GRAMD2B: variants seen among roughly 807,000 people sequenced by gnomAD.
GRAMD2B encodes the protein GRAM domain-containing protein 2B.
GRAMD2B carries 41 observed loss-of-function variants against 59.2 expected under a neutral mutation model. That is an observed-to-expected ratio of 0.69 (90% CI 0.54 to 0.90). The LOEUF (loss-of-function observed/expected upper bound fraction) is 0.90, where lower values mean the gene tolerates loss of function less well. Among genes scored for constraint, GRAMD2B ranks in the 40% least tolerant of loss-of-function variants. The probability of loss-of-function intolerance (pLI) is 0.00; values close to 1 mark genes in which losing one functional copy is unlikely to be tolerated. For missense variants in GRAMD2B, 424 were observed against 500.5 expected (o/e 0.85, Z 1.46); for synonymous variants, 161 against 182.7 (o/e 0.88, Z 0.96).
chr5:126,394,715 C>G (rs1757207393), intron 1 of GRAMD2B, among the ~76,000 whole-genome samples: 1 of 152,172 alleles, frequency 6.6e-6, no homozygotes, highest in South Asian at 2.1e-4. Flanking sequence ...AACTTAGATT[C>G]TGATGGTGTG....
intron 1 of GRAMD2B, among the ~76,000 whole-genome samples, chr5:126,374,544 TTTTAA>T (rs1263407448): frequency 2.0e-4 from 30 of 152,238 alleles, no homozygotes; most frequent in African/African-American, 7.0e-4. Flanking sequence ...TGAGTTCTTA[TTTTAA>T]TTTGTTAGTT....
intron 1 of GRAMD2B, among the ~76,000 whole-genome samples, chr5:126,442,572 G>A (rs541966393): frequency 3.9e-5 from 6 of 152,168 alleles, no homozygotes; most frequent in African/African-American, 7.2e-5. Flanking sequence ...GATTACAGGC[G>A]TGAGCGACCG....
intron 1 of GRAMD2B, among the ~76,000 whole-genome samples, chr5:126,408,840 TC>T (rs1758499836): frequency 1.4e-5 from 1 of 72,050 alleles, no homozygotes; most frequent in East Asian, 4.7e-4. Context: ...CCCTCCCCCC[TC>T]CCCCCACCCG....
In GRAMD2B at chr5:126,423,593, C is replaced by T. The variant is rs749254511; in HGVS notation, c.-14C>T. The T allele has an allele frequency of 7.5e-6, 12 of 1,609,964 alleles. No homozygotes were observed. In the South Asian group the frequency reaches 1.3e-4, roughly 18 times the overall value. The stretch of plus-strand genomic sequence containing the variant: ...CGCGCGGAAGTCTGAAGGTGCCCTC[C>T]AGACACGGCCCCGATGACTGAACTA... On this transcript the variant is annotated 5_prime_UTR_variant, in exon 1 of 14. Coordinates refer to ENST00000285689, the MANE Select transcript of GRAMD2B (RefSeq NM_023927.4).
At chr5:126,449,002 T>C (rs1222671202) in intron 1 of GRAMD2B, among the ~76,000 whole-genome samples, 1 of 152,116 alleles carries the variant, frequency 6.6e-6, no homozygotes, top group East Asian at 1.9e-4. Context: ...AAATATAAAG[T>C]CATCCGGGAA....
chr5:126,369,991 G>A (rs1754659283), upstream of GRAMD2B, among the ~76,000 whole-genome samples: 1 of 152,188 alleles, frequency 6.6e-6, no homozygotes, highest in Non-Finnish European at 1.5e-5. Context: ...TCAGCACAGA[G>A]ATAAGAGAGG....
rs199869481 is a variant in GRAMD2B, at chr5:126,481,203, AAAAGAAAGAAAGAAAG to A, written c.735+528_735+543del. Among the ~76,000 whole-genome samples the A allele has an allele frequency of 9.0e-3, 721 of 80,106 alleles. 16 individuals carry two copies. Among genetic ancestry groups the A allele is most frequent in the East Asian group, 0.024 (96 of 3,980 alleles). The allele number at this position is 80,106 out of a possible 152,430, so 52.6% of individuals were successfully genotyped here. A position where few individuals can be genotyped will look rare whatever the true frequency, so the allele number is the denominator to read the frequency against. Reference sequence around the variant, plus strand: ...TCAGAATTAACTGTAAAAAAAAAAAAAAAGAAAGAAAGAAAGAAAGAAAGAAAGAAAGAAAGAAAGA... The same window carrying A: ...TCAGAATTAACTGTAAAAAAAAAAAAAAAGAAAGAAAGAAAGAAAGAAAGA... On this transcript the variant is annotated intron_variant, in intron 8 of 13. Transcript: ENST00000285689.
intron 1 of GRAMD2B, among the ~76,000 whole-genome samples, chr5:126,414,359 T>C (rs1759080393): frequency 1.3e-5 from 2 of 152,132 alleles, no homozygotes; most frequent in Admixed American, 1.3e-4. Context: ...AAGATAACTC[T>C]TTAATTTGAT....
At chr5:126,456,523 C>T (rs540948113) in intron 1 of GRAMD2B, among the ~76,000 whole-genome samples, 174 of 152,264 alleles carry the variant, frequency 1.1e-3, no homozygotes, top group Non-Finnish European at 1.4e-3. Context: ...CCACTTCTAA[C>T]TGTACCCAGT....
upstream of GRAMD2B, among the ~76,000 whole-genome samples, chr5:126,369,942 T>C (rs1249795377): frequency 1.3e-5 from 2 of 152,206 alleles, no homozygotes; most frequent in African/African-American, 4.8e-5. Context: ...CAATTTAATA[T>C]AACAGCTTAT....
At chr5:126,422,948 C>G (rs1759903569), upstream of GRAMD2B, among the ~76,000 whole-genome samples, 1 of 150,252 alleles carries the variant, frequency 6.7e-6, no homozygotes, top group East Asian at 2.0e-4. Context: ...AAGGGTTAAC[C>G]AAAACACCAC....
intron 1 of GRAMD2B, among the ~76,000 whole-genome samples, chr5:126,448,681 A>T (rs552326645): frequency 1.3e-5 from 2 of 152,256 alleles, no homozygotes; most frequent in Non-Finnish European, 2.9e-5. Context: ...TTAGGGAAAG[A>T]AAAAGAGGGG....
intron 1 of GRAMD2B, among the ~76,000 whole-genome samples, chr5:126,436,577 A>G (rs1164702014): frequency 1.3e-5 from 2 of 152,198 alleles, no homozygotes; most frequent in African/African-American, 4.8e-5. Context: ...GCTTGAGCCT[A>G]GGAGTTCAAA....
intron 1 of GRAMD2B, chr5:126,465,192 A>G: frequency 7.3e-7 from 1 of 1,377,118 alleles, no homozygotes; most frequent in Non-Finnish European, 9.4e-7. Flanking sequence ...CAGCAAGTCC[A>G]CACAGTCTGG....
upstream of GRAMD2B, among the ~76,000 whole-genome samples, chr5:126,367,203 G>A (rs1754497216): frequency 6.6e-6 from 1 of 152,144 alleles, no homozygotes; most frequent in Admixed American, 6.5e-5. Flanking sequence ...TGTGCTTAGA[G>A]TATACAAGCT....
At chr5:126,368,245 T>TGC (rs1432293808), upstream of GRAMD2B, among the ~76,000 whole-genome samples, 1 of 152,236 alleles carries the variant, frequency 6.6e-6, no homozygotes, top group African/African-American at 2.4e-5. Flanking sequence ...TGTTTTAATT[T>TGC]GCACACACAC....
intron 1 of GRAMD2B, chr5:126,360,574 TTTGA>T: frequency 9.7e-7 from 1 of 1,036,266 alleles, no homozygotes; most frequent in Non-Finnish European, 1.4e-6. Context: ...GGAGAATGTC[TTTGA>T]TTGCCCACTG....
chr5:126,391,319 C>CAAAAAAAAAAAAAAGAAA (rs1756738632), intron 1 of GRAMD2B, among the ~76,000 whole-genome samples: 1 of 76,350 alleles, frequency 1.3e-5, no homozygotes, highest in African/African-American at 4.8e-5. Context: ...GACTCCATCT[C>CAAAAAAAAAAAAAAGAAA]AAAAAAAAAA....
exon 1 of GRAMD2B, chr5:126,360,228 C>T (rs1754158325): frequency 7.3e-7 from 1 of 1,364,226 alleles, no homozygotes. Context: ...GCGAAAAGCA[C>T]ACCAACTGGC....
Sources: gnomAD v4.1 joint callset for allele counts (sites outside exome capture counted in the v4.1 genomes callset) on GRCh38, gnomAD v4.1.1 for gene constraint, MANE v1.5 for transcripts, NCBI Gene and HGNC (gene_info 2026-07-23, HGNC 2026-07-21) for gene names.